MED27: variants seen among roughly 807,000 people sequenced by gnomAD.
MED27 encodes the protein mediator complex subunit 27, also known as mediator of RNA polymerase II transcription subunit 27.
MED27 carries 30 observed loss-of-function variants against 38.2 expected under a neutral mutation model. The observed-to-expected ratio is 0.79, with a 90% CI of 0.59 to 1.07. MED27 has a LOEUF of 1.07. Among genes scored for constraint, MED27 ranks in the 50% least tolerant of loss-of-function variants. The pLI is 0.00. For synonymous variants in MED27, 122 were observed against 153.5 expected (o/e 0.79, Z 1.52); for missense variants, 289 against 397.5 (o/e 0.73, Z 2.32).
At chr9:132,012,219 G>C (rs986325504) in intron 3 of MED27, among the ~76,000 whole-genome samples, 5 of 152,202 alleles carry the variant, frequency 3.3e-5, no homozygotes, top group African/African-American at 4.8e-5. Flanking sequence ...CAGGGAAAAT[G>C]ACAAGTTACA....
At chr9:131,903,623 C>T (rs991656278) in intron 4 of MED27, among the ~76,000 whole-genome samples, 3 of 152,230 alleles carry the variant, frequency 2.0e-5, no homozygotes, top group African/African-American at 7.2e-5. Flanking sequence ...ATGGAACCCT[C>T]TCTAAGGACT....
intron 5 of MED27, 93 bp downstream of exon 5, chr9:131,893,792 T>C: frequency 1.2e-6 from 1 of 828,300 alleles, no homozygotes; most frequent in Non-Finnish European, 2.0e-6. Context: ...TCCGCTATGA[T>C]TGCTAGTTTT....
At chr9:131,896,240 C>G (rs1459295627) in intron 4 of MED27, among the ~76,000 whole-genome samples, 1 of 152,126 alleles carries the variant, frequency 6.6e-6, no homozygotes, top group African/African-American at 2.4e-5. Flanking sequence ...AAATCGATAC[C>G]TTCTCACTAG....
chr9:132,073,830 G>C lies in MED27; in HGVS notation c.348+3612C>G, dbSNP rs73658588. 2,986 of 1,438,032 alleles carry C rather than the reference G, an allele frequency of 2.1e-3. 63 individuals carry two copies. In the African/African-American group the frequency reaches 0.035, roughly 17 times the overall value. 89.1% of individuals were successfully genotyped at this position (1,438,032 alleles called of 1,614,324 possible). ...GCCCATTTCCCAAGCCCAGTAAAAA[G>C]TGACACTTCTGGGGTCTTTGCAGCT... On this transcript the variant is annotated intron_variant, in intron 2 of 7. Coordinates refer to ENST00000292035, the MANE Select transcript of MED27 (RefSeq NM_004269.4).
intron 3 of MED27, among the ~76,000 whole-genome samples, chr9:131,951,815 T>C (rs963346582): frequency 6.6e-5 from 10 of 152,220 alleles, no homozygotes; most frequent in Non-Finnish European, 1.0e-4. Context: ...AAAAAGTTAA[T>C]TGCAGTCATG....
At position 132,079,684 on chromosome 9, in the gene MED27, G is replaced by C; in HGVS notation, c.161C>G (p.Ala54Gly). 1 of 1,612,932 alleles carries C rather than the reference G, an allele frequency of 6.2e-7. No individual in the cohort carries two copies. Among genetic ancestry groups the C allele is most frequent in the Non-Finnish European group, 8.5e-7 (1 of 1,179,876 alleles). The part of the protein sequence containing the change: ...TLEGREKAFI[A>G]HFQDNLHSVN... Reference sequence around the variant, plus strand: ...CGAATGTAAGTTGTCCTGGAAGTGCGCAATAAAGGCCTTCTCCCGGCCCTC... The same window carrying C: ...CGAATGTAAGTTGTCCTGGAAGTGCCCAATAAAGGCCTTCTCCCGGCCCTC... Residue 54 changes from alanine to glycine, a missense_variant, in exon 1 of 8, where the codon GCG becomes GGG. Ala to Gly is a moderately conservative substitution (Grantham distance 60). Transcript: ENST00000292035.
Position 131,913,604 on chromosome 9 carries a change from G to C in MED27, c.574-19612C>G, listed in dbSNP as rs2131541208. The stretch of plus-strand genomic sequence containing the variant: ...ACTTGTATTTCTCCCTGTTTGAAAG[G>C]CCGTTTGTTCGGCTTACCACAGTTG... On this transcript the variant is annotated intron_variant, in intron 4 of 7. Coordinates refer to ENST00000292035, the MANE Select transcript of MED27 (RefSeq NM_004269.4). The surrounding 1 kb of genome is among the most constrained non-coding windows in gnomAD (Gnocchi z 4.5). 6.6e-6 allele frequency among the ~76,000 whole-genome samples: 1 copy of C among 152,236 alleles called. No homozygotes were observed. The highest frequency in any genetic ancestry group is 2.1e-4 in the South Asian group (1 of 4,820).
At chr9:131,906,722 G>A (rs1165595280) in intron 4 of MED27, among the ~76,000 whole-genome samples, 1 of 152,170 alleles carries the variant, frequency 6.6e-6, no homozygotes, top group Non-Finnish European at 1.5e-5. Context: ...CGGATCTTGT[G>A]CAAGAAAGAA....
intron 2 of MED27, among the ~76,000 whole-genome samples, chr9:132,017,398 T>G (rs1832628333): frequency 6.6e-6 from 1 of 152,228 alleles, no homozygotes; most frequent in Non-Finnish European, 1.5e-5. Flanking sequence ...CTGTAATATT[T>G]TCTATAAAAA....
chr9:131,979,438 A>G (rs1259013480), intron 3 of MED27, among the ~76,000 whole-genome samples: 2 of 150,934 alleles, frequency 1.3e-5, no homozygotes, highest in Non-Finnish European at 2.9e-5. Flanking sequence ...TGTTTTTCTA[A>G]CTAAGTCACA....
intron 4 of MED27, among the ~76,000 whole-genome samples, chr9:131,924,002 T>C (rs572836694): frequency 1.3e-4 from 20 of 152,324 alleles, no homozygotes; most frequent in South Asian, 4.1e-4. Context: ...TGCGAGTGTA[T>C]CATAATGTAT....
intron 4 of MED27, among the ~76,000 whole-genome samples, chr9:131,896,392 A>G (rs1829834162): frequency 6.6e-6 from 1 of 152,234 alleles, no homozygotes; most frequent in African/African-American, 2.4e-5. Flanking sequence ...AACCTGGCTG[A>G]TATTAATTAA....
At chr9:131,986,205 A>G (rs1453744883) in intron 3 of MED27, among the ~76,000 whole-genome samples, 2 of 152,230 alleles carry the variant, frequency 1.3e-5, no homozygotes, top group Non-Finnish European at 2.9e-5. Flanking sequence ...CAGTGTCTGT[A>G]AAGTCTACAG....
At chr9:131,954,184 G>A (rs1433340091) in intron 3 of MED27, among the ~76,000 whole-genome samples, 2 of 152,160 alleles carry the variant, frequency 1.3e-5, no homozygotes, top group East Asian at 1.9e-4. Context: ...CCTAGGAGTG[G>A]CCAGGGTGTT....
Position 131,889,567 on chromosome 9 carries a change from T to G in MED27, c.681+4318A>C, listed in dbSNP as rs1406336477. ...TTTATTAGAGGAATCAGGCTATTGG[T>G]CCTTGGTATCAAAAATATGCATTGC... is the stretch of plus-strand genomic sequence containing the variant. On this transcript the variant is annotated intron_variant, in intron 5 of 7. Coordinates refer to ENST00000292035, the MANE Select transcript of MED27 (RefSeq NM_004269.4). The surrounding 1 kb of genome is among the most constrained non-coding windows in gnomAD (Gnocchi z 4.2). Among the ~76,000 whole-genome samples, 1 of 152,158 alleles carries G rather than the reference T, an allele frequency of 6.6e-6. No individual in the cohort carries two copies. Among genetic ancestry groups the G allele is most frequent in the Non-Finnish European group, 1.5e-5 (1 of 68,024 alleles).
At position 131,908,116 on chromosome 9, in the gene MED27, G is replaced by A. The variant is rs1007712739; in HGVS notation, c.574-14124C>T. On this transcript the variant is annotated intron_variant, in intron 4 of 7. Transcript: ENST00000292035. ...TCTCCGCCCGGCAGCCACCCTGTCC[G>A]GGAGGGAGGTGGGGGGGTCAGCCCC... Among the ~76,000 whole-genome samples the A allele has an allele frequency of 5.4e-4, 75 of 139,760 alleles. 1 individual carries two copies. Among genetic ancestry groups the A allele is most frequent in the Non-Finnish European group, 9.1e-4 (56 of 61,632 alleles). The allele number at this position is 139,760 out of a possible 152,430, so 91.7% of individuals were successfully genotyped here.
At chr9:132,059,280 C>G (rs889627968) in intron 2 of MED27, among the ~76,000 whole-genome samples, 1 of 152,208 alleles carries the variant, frequency 6.6e-6, no homozygotes, top group African/African-American at 2.4e-5. Context: ...AGGAACAGAT[C>G]ACCCTCAGAA....
chr9:131,881,912 C>T (rs376587777), intron 6 of MED27, among the ~76,000 whole-genome samples: 11 of 151,174 alleles, frequency 7.3e-5, no homozygotes, highest in Admixed American at 4.0e-4. Flanking sequence ...CCCGCCACCA[C>T]GCCTGGCTGA....
rs1838649616 is a variant in MED27 at position 131,861,400 on chromosome 9, A to T, written c.802-728T>A. 6.6e-6 allele frequency among the ~76,000 whole-genome samples: 1 copy of T among 152,200 alleles called. No homozygotes were observed. Among genetic ancestry groups the T allele is most frequent in the Non-Finnish European group, 1.5e-5 (1 of 68,028 alleles). ...CAGGCAAGCAAGTTCTCGCGGTGAA[A>T]GGGCACGTGAATCTTGTCATTTAAT... On this transcript the variant is annotated intron_variant, in intron 7 of 7. Transcript: ENST00000292035. The surrounding 1 kb of genome is among the most constrained non-coding windows in gnomAD (Gnocchi z 4.4).
Sources: gnomAD v4.1 joint callset for allele counts (sites outside exome capture counted in the v4.1 genomes callset) on GRCh38, gnomAD v4.1.1 for gene constraint, Gnocchi (gnomAD v3.1) non-coding constraint, MANE v1.5 for transcripts, NCBI Gene and HGNC (gene_info 2026-07-23, HGNC 2026-07-21) for gene names.